Variants in RBFOX1 observed in about 807,000 individuals in gnomAD.
RBFOX1 encodes RNA binding fox-1 homolog 1.
In RBFOX1, 8 loss-of-function variants were observed where a neutral mutation model predicts 57.7. The ratio of observed to expected loss-of-function variants is 0.14; its 90% confidence interval spans 0.08 to 0.25. The LOEUF is 0.25. Among genes scored for constraint, RBFOX1 ranks in the 10% least tolerant of loss-of-function variants. RBFOX1 has a pLI of 1.00. For synonymous variants in RBFOX1, 326 were observed against 222.4 expected, an observed-to-expected ratio of 1.47 and a Z score of -4.15; for missense variants, 611 against 548.5, an observed-to-expected ratio of 1.11 and a Z score of -1.14.
chr16:7,510,011 G>T (rs1255085199), intron 4 of RBFOX1: 2 of 245,086 alleles, frequency 8.2e-6, no homozygotes, highest in African/African-American at 4.8e-5. Context: ...CATCTGCTCA[G>T]TGGTGCGCTG....
intron 4 of RBFOX1, among the ~76,000 whole-genome samples, chr16:7,505,161 G>A (rs1033332852): frequency 1.3e-5 from 2 of 150,718 alleles, no homozygotes; most frequent in Non-Finnish European, 2.9e-5. Flanking sequence ...CATTTTGAAT[G>A]CTTTTGTACA....
chr16:5,411,901 A>G (rs2067031359), intron 1 of RBFOX1, among the ~76,000 whole-genome samples: 1 of 152,162 alleles, frequency 6.6e-6, no homozygotes, highest in South Asian at 2.1e-4. Flanking sequence ...AAAAGAAAAG[A>G]AAATGAACCC....
intron 2 of RBFOX1, among the ~76,000 whole-genome samples, chr16:5,523,723 G>C (rs2044119319): frequency 6.6e-6 from 1 of 152,226 alleles, no homozygotes; most frequent in African/African-American, 2.4e-5. Flanking sequence ...GGATCAAGTG[G>C]TAGTTCTGTC....
chr16:6,234,386 AAACTGT>A (rs1422684939), intron 1 of RBFOX1, among the ~76,000 whole-genome samples: 1 of 152,132 alleles, frequency 6.6e-6, no homozygotes, highest in Non-Finnish European at 1.5e-5. Context: ...CTTCCTTCCA[AAACTGT>A]AAGTCCCATG....
In RBFOX1 at chr16:6,095,257, G is replaced by A. The variant is rs185472720; in HGVS notation, c.-127+75265G>A. ...AGTAAAACATTTAAAGTAACTTTGAGGGTGAATATACAAATAAGTGAAGTC... is the reference window on the plus strand; with the variant it reads ...AGTAAAACATTTAAAGTAACTTTGAAGGTGAATATACAAATAAGTGAAGTC... On this transcript the variant is annotated intron_variant, in intron 1 of 15. Transcript: ENST00000550418. Among the ~76,000 whole-genome samples the A allele has an allele frequency of 1.2e-4, 18 of 152,312 alleles. 1 individual carries two copies. Among genetic ancestry groups the A allele is most frequent in the Admixed American group, 1.2e-3 (18 of 15,304 alleles).
chr16:6,526,914 T>C (rs905796192), intron 2 of RBFOX1, among the ~76,000 whole-genome samples: 1 of 143,500 alleles, frequency 7.0e-6, no homozygotes, highest in East Asian at 2.1e-4. Context: ...ATCCCCATGG[T>C]ACATAAAAGA....
chr16:6,093,539 A>C (rs1338138654), intron 1 of RBFOX1, among the ~76,000 whole-genome samples: 1 of 152,214 alleles, frequency 6.6e-6, no homozygotes. Context: ...ATGCAACTTT[A>C]ATCTTGTCTA....
At chr16:5,543,883 A>T (rs2045071664) in intron 2 of RBFOX1, among the ~76,000 whole-genome samples, 1 of 152,240 alleles carries the variant, frequency 6.6e-6, no homozygotes, top group African/African-American at 2.4e-5. Context: ...GGAGTAAAAC[A>T]ACAAAACAAA....
chr16:6,903,314 C>T (rs2068936016), intron 3 of RBFOX1, among the ~76,000 whole-genome samples: 1 of 152,130 alleles, frequency 6.6e-6, no homozygotes, highest in Non-Finnish European at 1.5e-5. Flanking sequence ...GTCAGCAGCC[C>T]TTACAGCCTG....
At chr16:6,710,207 T>G (rs2063481211) in intron 3 of RBFOX1, among the ~76,000 whole-genome samples, 1 of 152,176 alleles carries the variant, frequency 6.6e-6, no homozygotes, top group Non-Finnish European at 1.5e-5. Context: ...AAAACTGAAA[T>G]GTTTGTCACT....
At chr16:7,570,275 C>G (rs2092639714) in intron 5 of RBFOX1, among the ~76,000 whole-genome samples, 2 of 151,856 alleles carry the variant, frequency 1.3e-5, no homozygotes, top group Non-Finnish European at 2.9e-5. Flanking sequence ...CATCCTTGAG[C>G]TATATCTAAT....
chr16:7,601,052 C>T (rs973266204), intron 9 of RBFOX1, among the ~76,000 whole-genome samples: 3 of 152,174 alleles, frequency 2.0e-5, no homozygotes, highest in Non-Finnish European at 1.5e-5. Context: ...AGATTGAGAG[C>T]TGAATTCACA....
At chr16:5,951,250 C>T (rs943492501) in intron 4 of RBFOX1, among the ~76,000 whole-genome samples, 2 of 152,102 alleles carry the variant, frequency 1.3e-5, no homozygotes, top group African/African-American at 2.4e-5. Flanking sequence ...GAGTTTGAGA[C>T]CAGCCTGGAG....
chr16:7,275,649 G>A lies in RBFOX1; in HGVS notation c.27+223551G>A, dbSNP rs1216089329. ...ATCTGTGCAAATGATGAGCTTATCT[G>A]TTTCGGGGAACATAATTGGAGTTCT... On this transcript the variant is annotated intron_variant, in intron 4 of 15. Transcript: ENST00000550418. 3.3e-5 allele frequency among the ~76,000 whole-genome samples: 5 copies of A among 151,356 alleles called. No homozygotes were observed. In the South Asian group the frequency reaches 1.0e-3, roughly 31 times the overall value.
At chr16:5,504,682 AC>A (rs2043319488) in intron 2 of RBFOX1, among the ~76,000 whole-genome samples, 2 of 152,246 alleles carry the variant, frequency 1.3e-5, no homozygotes, top group Admixed American at 1.3e-4. Context: ...TTTGCTAGAC[AC>A]CAGACACTGC....
chr16:5,279,584 C>G (rs137920487), intron 1 of RBFOX1, among the ~76,000 whole-genome samples: 1 of 152,166 alleles, frequency 6.6e-6, no homozygotes, highest in Non-Finnish European at 1.5e-5. Flanking sequence ...TCACTGCAAC[C>G]TCCGCCTCTC....
rs376756436 is a variant in RBFOX1 at position 6,075,856 on chromosome 16, T to C, written c.-127+55864T>C. On this transcript the variant is annotated intron_variant, in intron 1 of 15. Coordinates refer to ENST00000550418, the MANE Select transcript of RBFOX1 (RefSeq NM_018723.4). ...ACAATAATAACCACTGTTTATTCTGTGCCTGCCAGTCACTGTGCAGATAAT... is the reference window on the plus strand; with the variant it reads ...ACAATAATAACCACTGTTTATTCTGCGCCTGCCAGTCACTGTGCAGATAAT... Among the ~76,000 whole-genome samples the C allele has an allele frequency of 4.6e-5, 7 of 152,354 alleles. No individual in the cohort carries two copies. In the East Asian group the frequency reaches 1.2e-3, roughly 25 times the overall value.
At chr16:5,970,980 C>G (rs1475857006) in intron 4 of RBFOX1, among the ~76,000 whole-genome samples, 1 of 152,250 alleles carries the variant, frequency 6.6e-6, no homozygotes, top group Non-Finnish European at 1.5e-5. Context: ...TCAACCATCT[C>G]ATTCCACAAG....
intron 3 of RBFOX1, among the ~76,000 whole-genome samples, chr16:6,938,830 G>A (rs2077820069): frequency 6.6e-6 from 1 of 152,158 alleles, no homozygotes; most frequent in Non-Finnish European, 1.5e-5. Flanking sequence ...TACTCGGTAG[G>A]CTGAGGCAGG....
Sources: allele counts gnomAD v4.1 joint callset (sites outside exome capture counted in the v4.1 genomes callset), GRCh38; gene constraint gnomAD v4.1.1; transcripts MANE v1.5; gene names NCBI Gene and HGNC (gene_info 2026-07-23, HGNC 2026-07-21).